TMEM132B: variants seen among roughly 807,000 people sequenced by gnomAD.
The protein encoded by TMEM132B is transmembrane protein 132B.
Under a neutral mutation model 90.8 loss-of-function variants are expected in TMEM132B, and 18 were observed. That is an observed-to-expected ratio of 0.20 (90% CI 0.14 to 0.29). The LOEUF is 0.29. TMEM132B is among the 10% of genes least tolerant of loss of function. TMEM132B has a pLI of 1.00. For missense variants in TMEM132B, 1,096 were observed against 1,326.8 expected (o/e 0.83, Z 2.70); for synonymous variants, 504 against 523.3 (o/e 0.96, Z 0.50).
chr12:125,267,247 G>T (rs528660373), intron 1 of TMEM132B, among the ~76,000 whole-genome samples: 2 of 152,160 alleles, frequency 1.3e-5, no homozygotes, highest in African/African-American at 4.8e-5. Flanking sequence ...GCTGGTGTCT[G>T]TGTGTCATGA....
At chr12:125,565,605 G>A (rs192563343) in intron 4 of TMEM132B, among the ~76,000 whole-genome samples, 8 of 152,300 alleles carry the variant, frequency 5.3e-5, no homozygotes. Flanking sequence ...AGGATGGGTG[G>A]GGAGCTGGAA....
chr12:125,523,487 C>G (rs532155047), intron 4 of TMEM132B, among the ~76,000 whole-genome samples: 2 of 152,298 alleles, frequency 1.3e-5, no homozygotes, highest in African/African-American at 4.8e-5. Flanking sequence ...TCAGGATAAT[C>G]TCCCCATCTC....
At chr12:125,466,224 C>T (rs1881559329) in intron 3 of TMEM132B, among the ~76,000 whole-genome samples, 1 of 152,182 alleles carries the variant, frequency 6.6e-6, no homozygotes, top group East Asian at 1.9e-4. Context: ...AGCAGGACCA[C>T]TTCTGGCCAT....
At chr12:125,210,976 C>T (rs576671552) in intron 1 of TMEM132B, among the ~76,000 whole-genome samples, 1 of 151,892 alleles carries the variant, frequency 6.6e-6, no homozygotes, top group Admixed American at 6.6e-5. Flanking sequence ...AGAGAAAGTA[C>T]AGGAGAATCA....
chr12:125,246,914 G>A lies in TMEM132B; in HGVS notation c.67+60048G>A, dbSNP rs78923007. Among the ~76,000 whole-genome samples, 3 of 152,042 alleles carry A rather than the reference G, an allele frequency of 2.0e-5. No homozygotes were observed. Among genetic ancestry groups the A allele is most frequent in the African/African-American group, 7.3e-5 (3 of 41,374 alleles). On this transcript the variant is annotated intron_variant, in intron 1 of 8. Transcript: ENST00000682704. This position sits in a 1 kb window ranked among gnomAD's most constrained non-coding sequence, Gnocchi z 4.2. Reference sequence around the variant, plus strand: ...CCCACCGGGAGAGCCTGGGGTTTGTGGGGGAGGTGGTGGGGGTAGGGGCAC... The same window carrying A: ...CCCACCGGGAGAGCCTGGGGTTTGTAGGGGAGGTGGTGGGGGTAGGGGCAC...
At chr12:125,325,895 C>A (rs1435537083) in intron 1 of TMEM132B, among the ~76,000 whole-genome samples, 1 of 152,170 alleles carries the variant, frequency 6.6e-6, no homozygotes. Flanking sequence ...GCTATACAAT[C>A]ATATCAGATG....
intron 1 of TMEM132B, among the ~76,000 whole-genome samples, chr12:125,250,888 A>T (rs1874302859): frequency 6.6e-6 from 1 of 152,144 alleles, no homozygotes; most frequent in Admixed American, 6.5e-5. Flanking sequence ...TGGAAATCTG[A>T]GTCTTCCTTT....
chr12:125,522,749 T>C (rs886590), intron 4 of TMEM132B, among the ~76,000 whole-genome samples: 39,283 of 152,140 alleles, frequency 0.26, 5,495 homozygotes, highest in African/African-American at 0.33. Context: ...GGAGAAGGTC[T>C]GTGCATGGCA....
At chr12:125,438,967 C>A (rs1318384870) in intron 3 of TMEM132B, among the ~76,000 whole-genome samples, 1 of 152,150 alleles carries the variant, frequency 6.6e-6, no homozygotes, top group East Asian at 1.9e-4. Context: ...TCCCATTCTT[C>A]TGTTGAGTAA....
At chr12:125,391,785 G>A (rs866586487) in intron 2 of TMEM132B, among the ~76,000 whole-genome samples, 6 of 152,128 alleles carry the variant, frequency 3.9e-5, no homozygotes, top group Non-Finnish European at 8.8e-5. Context: ...AGTTTTTTGA[G>A]ACAAGGTTTC....
At position 125,394,175 on chromosome 12, in the gene TMEM132B, G is replaced by T. The variant is rs530613501; in HGVS notation, c.960-21356G>T. Among the ~76,000 whole-genome samples, 65 of 152,328 alleles carry T rather than the reference G, an allele frequency of 4.3e-4. 1 individual carries two copies. The South Asian group carries it at 0.012, about 28-fold the overall frequency. ...TCAGTTCTCAGAGGACATCAGTGAG[G>T]TGGCTACTATGATTCCATTTTACTG... On this transcript the variant is annotated intron_variant, in intron 2 of 8. Transcript: ENST00000682704.
At chr12:125,387,605 G>A (rs1377275351) in intron 2 of TMEM132B, among the ~76,000 whole-genome samples, 1 of 152,182 alleles carries the variant, frequency 6.6e-6, no homozygotes. Context: ...AACAGCTTTT[G>A]AGATGTGCAA....
At chr12:125,340,295 C>T (rs1011864073) in intron 1 of TMEM132B, among the ~76,000 whole-genome samples, 1 of 152,176 alleles carries the variant, frequency 6.6e-6, no homozygotes, top group African/African-American at 2.4e-5. Flanking sequence ...ACTCAAACTG[C>T]GAAGTCAAAT....
chr12:125,366,044 C>T (rs1248289440), intron 2 of TMEM132B, among the ~76,000 whole-genome samples: 1 of 151,968 alleles, frequency 6.6e-6, no homozygotes, highest in South Asian at 2.1e-4. Flanking sequence ...CTCTGGGAAC[C>T]TTCATTCTAC....
intron 3 of TMEM132B, among the ~76,000 whole-genome samples, chr12:125,477,797 C>T (rs1566048191): frequency 6.6e-6 from 1 of 152,178 alleles, no homozygotes; most frequent in African/African-American, 2.4e-5. Context: ...TCAAGTGGGT[C>T]CCTGACCCCC....
intron 1 of TMEM132B, among the ~76,000 whole-genome samples, chr12:125,205,127 T>G (rs1300936833): frequency 6.6e-6 from 1 of 151,504 alleles, no homozygotes; most frequent in East Asian, 2.0e-4. Context: ...GCTTAGCTCT[T>G]TATGTGGAGT....
chr12:125,232,603 C>T (rs565361244), intron 1 of TMEM132B, among the ~76,000 whole-genome samples: 7 of 152,168 alleles, frequency 4.6e-5, no homozygotes, highest in South Asian at 2.1e-4. Context: ...AGAATTGACA[C>T]CTGCTTGCCA....
At chr12:125,351,756 A>C (rs1271361885) in intron 2 of TMEM132B, among the ~76,000 whole-genome samples, 1 of 152,214 alleles carries the variant, frequency 6.6e-6, no homozygotes, top group Admixed American at 6.5e-5. Context: ...CCCTGAGAAG[A>C]GGGCACAGCC....
intron 1 of TMEM132B, among the ~76,000 whole-genome samples, chr12:125,337,567 A>G (rs565594768): frequency 7.9e-5 from 12 of 152,328 alleles, no homozygotes; most frequent in African/African-American, 2.9e-4. Context: ...AGGCTGGGAA[A>G]GTCCCTGCCT....
Sources: gnomAD v4.1 joint callset for allele counts (sites outside exome capture counted in the v4.1 genomes callset) on GRCh38, gnomAD v4.1.1 for gene constraint, Gnocchi (gnomAD v3.1) non-coding constraint, MANE v1.5 for transcripts, NCBI Gene and HGNC (gene_info 2026-07-23, HGNC 2026-07-21) for gene names.